The following ZNF875 variants were observed in gnomAD, a reference collection of about 807,000 sequenced individuals.
The protein encoded by ZNF875 is zinc finger protein 875.
Under a neutral mutation model 11.2 loss-of-function variants are expected in ZNF875, and 14 were observed. The observed-to-expected ratio is 1.26, with a 90% CI of 0.83 to 1.96. ZNF875 has a LOEUF of 1.96. ZNF875 is among the 30% of genes most tolerant of loss of function. The pLI is 0.00. For missense variants in ZNF875, 752 were observed against 760.4 expected (o/e 0.99, Z 0.13); for synonymous variants, 301 against 281.1 (o/e 1.07, Z -0.71).
Position 37,362,178 on chromosome 19 carries a change from A to AC in ZNF875, c.326_327insC (p.Gln109HisfsTer41). The AC allele has an allele frequency of 6.2e-7, 1 of 1,614,178 alleles. No homozygotes were observed. Among genetic ancestry groups the AC allele is most frequent in the Non-Finnish European group, 8.5e-7 (1 of 1,180,030 alleles). On this transcript the variant is annotated frameshift_variant, in exon 5 of 5. Transcript: ENST00000392153. LOFTEE classifies it low-confidence loss of function (END_TRUNC). ...TTCTCCAGTCAGCAAGCTCTCAGCCAACATGTGTGGCTGAGTCATCTCTCT... is the reference window on the plus strand; with the variant it reads ...TTCTCCAGTCAGCAAGCTCTCAGCCACACATGTGTGGCTGAGTCATCTCTCT...
upstream of ZNF875, chr19:37,313,319 G>A (rs2030042057): frequency 1.3e-5 from 2 of 152,292 alleles, no homozygotes; most frequent in African/African-American, 4.8e-5. Context: ...CCAGGTAAAG[G>A]AATCTGTGCA....
chr19:37,363,480 T>A lies in ZNF875; in HGVS notation c.1628T>A (p.Phe543Tyr), dbSNP rs761056289. ...ATGTGCAGGGAGTGTGGCAGAAGGT[T>A]TCGGCAGAAGCCTAACCTGTTTAGG... ...PFMCRECGRR[F>Y]RQKPNLFRHK... Residue 543 changes from phenylalanine to tyrosine, a missense_variant, in exon 5 of 5, where the codon TTT (phenylalanine) becomes TAT (tyrosine). Phe to Tyr is a conservative substitution (Grantham distance 22). Transcript: ENST00000392153. 3.1e-6 allele frequency: 5 copies of A among 1,613,596 alleles called. No individual in the cohort carries two copies. In the South Asian group the frequency reaches 4.4e-5, roughly 14 times the overall value.
chr19:37,333,901 C>T (rs2033780655), upstream of ZNF875, among the ~76,000 whole-genome samples: 1 of 152,090 alleles, frequency 6.6e-6, no homozygotes, highest in Non-Finnish European at 1.5e-5. Context: ...TGCCTCCTTT[C>T]CAACACCGCC....
Position 37,327,760 on chromosome 19 carries a change from CAAA to C in ZNF875, c.-603+3511_-603+3513del, listed in dbSNP as rs55800209. On this transcript the variant is annotated intron_variant, in intron 4 of 5. Coordinates refer to the ZNF875 transcript ENST00000544914. ...GCCTGGCCCACAGAGCAAAACTCCT[CAAA>C]AAAAAAAAAAAAAAATCATACTCGC... is the stretch of plus-strand genomic sequence containing the variant. 7.7e-3 allele frequency among the ~76,000 whole-genome samples: 877 copies of C among 113,280 alleles called. 23 individuals carry two copies. The highest frequency in any genetic ancestry group is 0.064 in the East Asian group (253 of 3,968). 74.3% of individuals were successfully genotyped at this position (113,280 alleles called of 152,430 possible).
At chr19:37,314,862 G>A (rs2030117966), upstream of ZNF875, 1 of 151,792 alleles carries the variant, frequency 6.6e-6, no homozygotes, top group African/African-American at 2.4e-5. Flanking sequence ...AAAGACATAG[G>A]CACTATTTTT....
At chr19:37,343,949 G>T (rs2036276313) in intron 2 of ZNF875, among the ~76,000 whole-genome samples, 1 of 152,134 alleles carries the variant, frequency 6.6e-6, no homozygotes, top group East Asian at 1.9e-4. Flanking sequence ...GCACTTTGGG[G>T]TTGGTCCTTC....
At chr19:37,332,607 A>G (rs1476117867), upstream of ZNF875, among the ~76,000 whole-genome samples, 3 of 152,100 alleles carry the variant, frequency 2.0e-5, no homozygotes, top group Non-Finnish European at 4.4e-5. Context: ...AAGTATTTTA[A>G]CTATTGCTTC....
At chr19:37,333,996 C>G (rs746452417), upstream of ZNF875, among the ~76,000 whole-genome samples, 1 of 152,070 alleles carries the variant, frequency 6.6e-6, no homozygotes, top group Non-Finnish European at 1.5e-5. Context: ...ATTTCCTGAT[C>G]AAGCTTCGGA....
intron 2 of ZNF875, among the ~76,000 whole-genome samples, chr19:37,345,560 G>A (rs1445049536): frequency 6.6e-6 from 1 of 152,156 alleles, no homozygotes; most frequent in African/African-American, 2.4e-5. Flanking sequence ...GAATGACGCT[G>A]GTGAGGCAGT....
At chr19:37,355,750 TTCTC>T (rs1481269144) in intron 4 of ZNF875, among the ~76,000 whole-genome samples, 1 of 152,250 alleles carries the variant, frequency 6.6e-6, no homozygotes, top group African/African-American at 2.4e-5. Flanking sequence ...TCAATAATCT[TTCTC>T]TGTCTTTTAT....
chr19:37,345,282 C>T (rs78124258), intron 2 of ZNF875, among the ~76,000 whole-genome samples: 2,778 of 152,260 alleles, frequency 0.018, 40 homozygotes, highest in Non-Finnish European at 0.031. Context: ...CATCTGTGCT[C>T]TTCTCTTGCG....
At chr19:37,357,033 T>A (rs757705272) in intron 4 of ZNF875, among the ~76,000 whole-genome samples, 1 of 152,222 alleles carries the variant, frequency 6.6e-6, no homozygotes, top group Non-Finnish European at 1.5e-5. Context: ...TTCATTCTCT[T>A]GCATGTGGCT....
At position 37,363,575 on chromosome 19, in the gene ZNF875, C is replaced by G. The variant is rs565301921; in HGVS notation, c.1723C>G (p.Leu575Val). ...CGQGFCAKLT[L>V]IKHQRAHAGG... is the part of the protein sequence containing the mutation. ...GCAAGGCTTTTGTGCTAAGTTAACT[C>G]TCATTAAACACCAGAGAGCACACGC... is the stretch of plus-strand genomic sequence containing the variant. The change falls in exon 5 of 5, where the codon CTC becomes GTC. Residue 575 changes from leucine (L) to valine (V), a missense_variant. Leu to Val is a conservative substitution (Grantham distance 32). Coordinates refer to ENST00000392153, the MANE Select transcript of ZNF875 (RefSeq NM_001353803.2). 34 of 1,613,276 alleles carry G rather than the reference C, an allele frequency of 2.1e-5. No individual in the cohort carries two copies. The Admixed American group carries it at 3.5e-4, about 17-fold the overall frequency.
chr19:37,362,100 C>G lies in ZNF875; in HGVS notation c.257-9C>G. 5 of 1,602,188 alleles carry G rather than the reference C, an allele frequency of 3.1e-6. No individual in the cohort carries two copies. The Admixed American group carries it at 6.8e-5, about 22-fold the overall frequency. The stretch of plus-strand genomic sequence containing the variant: ...TATGGCCCCTCTGAAAATGTTCTTT[C>G]TTCAGCAGAATCGAAGCCAGAAATT... On this transcript the variant is annotated splice_polypyrimidine_tract_variant and intron_variant, in intron 4 of 4. Transcript: ENST00000392153.
Position 37,362,716 on chromosome 19 carries a change from G to T in ZNF875, c.864G>T (p.Gly288=). ...GGKPYVCREC[G]RGFTWKSNLI... ...AGCCTTATGTGTGCAGGGAATGTGG[G>T]CGAGGCTTTACGTGGAAGTCAAACC... is the stretch of plus-strand genomic sequence containing the variant. The change falls in exon 5 of 5, where the codon GGG becomes GGT. Residue 288 remains glycine (G), a synonymous_variant. Transcript: ENST00000392153. 6.2e-7 allele frequency: 1 copy of T among 1,613,414 alleles called. No homozygotes were observed. Among genetic ancestry groups the T allele is most frequent in the Non-Finnish European group, 8.5e-7 (1 of 1,179,632 alleles).
intron 4 of ZNF875, chr19:37,325,183 C>G (rs1039125849): frequency 1.1e-4 from 16 of 152,186 alleles, no homozygotes; most frequent in Admixed American, 1.0e-3. Context: ...AGCTCAGCAC[C>G]CCTAGTGTCA....
At chr19:37,344,801 C>G (rs1568608462) in intron 2 of ZNF875, 2 of 1,326,394 alleles carry the variant, frequency 1.5e-6, no homozygotes, top group Admixed American at 3.4e-5. Flanking sequence ...TAAAGTAACA[C>G]TAATTGCTCT....
At chr19:37,351,024 G>A (rs1489187707) in intron 4 of ZNF875, among the ~76,000 whole-genome samples, 3 of 151,412 alleles carry the variant, frequency 2.0e-5, no homozygotes, top group South Asian at 2.1e-4. Flanking sequence ...ACCTAGTCTC[G>A]AACTCCTGAC....
At chr19:37,343,311 C>T (rs1600073976) in intron 2 of ZNF875, among the ~76,000 whole-genome samples, 1 of 151,090 alleles carries the variant, frequency 6.6e-6, no homozygotes, top group Non-Finnish European at 1.5e-5. Flanking sequence ...TCATTGCACT[C>T]CAGCCTAGGT....
Sources: allele counts gnomAD v4.1 joint callset (sites outside exome capture counted in the v4.1 genomes callset), GRCh38; gene constraint gnomAD v4.1.1; transcripts MANE v1.5; gene names NCBI Gene and HGNC (gene_info 2026-07-23, HGNC 2026-07-21).